Variants in DPYD observed in about 807,000 individuals in gnomAD.
The protein encoded by DPYD is dihydropyrimidine dehydrogenase, also known as dihydropyrimidine dehydrogenase [NADP(+)].
A neutral mutation model predicts 116.2 loss-of-function variants in DPYD; 109 were observed. That is an observed-to-expected ratio of 0.94 (90% CI 0.80 to 1.10). The LOEUF (loss-of-function observed/expected upper bound fraction) is 1.10, where lower values mean the gene tolerates loss of function less well. Among genes scored for constraint, DPYD ranks in the 50% least tolerant of loss-of-function variants. DPYD has a pLI of 0.00. For missense variants in DPYD, 1,302 were observed against 1,254.5 expected, an observed-to-expected ratio of 1.04 and a Z score of -0.57; for synonymous variants, 440 against 432.0, an observed-to-expected ratio of 1.02 and a Z score of -0.23.
chr1:97,551,432 T>C lies in DPYD; in HGVS notation c.1340-1688A>G, dbSNP rs192245648. Among the ~76,000 whole-genome samples the C allele has an allele frequency of 4.3e-4, 65 of 152,220 alleles. 2 individuals are homozygous for C. In the East Asian group the frequency reaches 0.012, roughly 29 times the overall value. ...TAATGGCAACTGTAACACATCATCA[T>C]TGAATGATATATGTAATGAGCTTTA... On this transcript the variant is annotated intron_variant, in intron 11 of 22. Coordinates refer to ENST00000370192, the MANE Select transcript of DPYD (RefSeq NM_000110.4).
At chr1:97,313,227 C>G (rs1570490123) in intron 16 of DPYD, among the ~76,000 whole-genome samples, 2 of 151,848 alleles carry the variant, frequency 1.3e-5, no homozygotes, top group African/African-American at 4.8e-5. Context: ...GAGCCTACAC[C>G]ACACAAATTG....
chr1:97,339,929 T>C (rs1329617132), intron 16 of DPYD, among the ~76,000 whole-genome samples: 1 of 152,134 alleles, frequency 6.6e-6, no homozygotes, highest in Non-Finnish European at 1.5e-5. Context: ...TAAAAGTCTC[T>C]AAAAAGGTAC....
At chr1:97,382,278 C>T (rs564381847) in intron 15 of DPYD, 115 bp downstream of exon 15, 3 of 533,526 alleles carry the variant, frequency 5.6e-6, no homozygotes, top group South Asian at 7.8e-5. Context: ...TTTTAAGTTA[C>T]ATTTTCAATT....
At chr1:97,364,700 T>C (rs1670932211) in intron 16 of DPYD, among the ~76,000 whole-genome samples, 1 of 152,202 alleles carries the variant, frequency 6.6e-6, no homozygotes, top group African/African-American at 2.4e-5. Flanking sequence ...TCTGTGATTA[T>C]CAATAAGCAC....
chr1:97,844,307 G>A (rs889212199), intron 2 of DPYD, among the ~76,000 whole-genome samples: 1 of 152,130 alleles, frequency 6.6e-6, no homozygotes. Flanking sequence ...GTGTCTTTTT[G>A]TATGCTGATG....
At chr1:97,654,497 A>T (rs1000914458) in intron 8 of DPYD, among the ~76,000 whole-genome samples, 1 of 152,152 alleles carries the variant, frequency 6.6e-6, no homozygotes, top group African/African-American at 2.4e-5. Context: ...TCAGGGAGTT[A>T]TAATAAAGTA....
chr1:97,792,278 TA>T (rs1374712778), intron 3 of DPYD, among the ~76,000 whole-genome samples: 2 of 151,588 alleles, frequency 1.3e-5, no homozygotes, highest in South Asian at 2.1e-4. Context: ...TTTTTTATTT[TA>T]TTTTTTTTTT....
At chr1:97,534,808 A>G (rs1403760810) in intron 12 of DPYD, among the ~76,000 whole-genome samples, 1 of 152,062 alleles carries the variant, frequency 6.6e-6, no homozygotes, top group African/African-American at 2.4e-5. Flanking sequence ...GTAATTTTGC[A>G]CACAATGTGA....
intron 3 of DPYD, among the ~76,000 whole-genome samples, chr1:97,824,550 T>C (rs1019185767): frequency 6.6e-6 from 1 of 152,186 alleles, no homozygotes; most frequent in African/African-American, 2.4e-5. Context: ...AGTGGCCATA[T>C]GTGGCTGAGG....
chr1:97,633,887 C>T (rs1022923351), intron 8 of DPYD, among the ~76,000 whole-genome samples: 35 of 152,140 alleles, frequency 2.3e-4, no homozygotes, highest in East Asian at 1.4e-3. Context: ...CTCGTTTCAG[C>T]GTTGACTCCC....
chr1:97,572,099 A>T (rs1286744166), intron 11 of DPYD, among the ~76,000 whole-genome samples: 2 of 152,032 alleles, frequency 1.3e-5, no homozygotes, highest in Non-Finnish European at 2.9e-5. Flanking sequence ...GGAAAAAAAA[A>T]TAGCGAAGAA....
intron 13 of DPYD, among the ~76,000 whole-genome samples, chr1:97,493,332 C>T (rs988691897): frequency 6.6e-6 from 1 of 152,136 alleles, no homozygotes; most frequent in African/African-American, 2.4e-5. Context: ...TACCACTGTA[C>T]TAAAACACAA....
intron 18 of DPYD, among the ~76,000 whole-genome samples, chr1:97,242,126 A>G (rs1305491431): frequency 6.1e-3 from 113 of 18,374 alleles, no homozygotes; most frequent in Non-Finnish European, 7.5e-3. Context: ...GTGCGTGTGT[A>G]TATATATATA....
At chr1:97,557,064 G>C (rs1041643866) in intron 11 of DPYD, among the ~76,000 whole-genome samples, 17 of 151,754 alleles carry the variant, frequency 1.1e-4, no homozygotes, top group African/African-American at 3.6e-4. Flanking sequence ...GGTGTGAGGT[G>C]GTATCTCATT....
At chr1:97,225,798 G>A (rs1434265952) in intron 19 of DPYD, among the ~76,000 whole-genome samples, 1 of 151,978 alleles carries the variant, frequency 6.6e-6, no homozygotes, top group Admixed American at 6.6e-5. Context: ...CAAGGCCAAT[G>A]TCTAGGAGCT....
intron 21 of DPYD, among the ~76,000 whole-genome samples, chr1:97,089,329 T>C (rs960451296): frequency 1.3e-5 from 2 of 152,340 alleles, no homozygotes; most frequent in Middle Eastern, 3.4e-3. Context: ...GTCTCTGTTA[T>C]ATGCTGCCTG....
intron 18 of DPYD, among the ~76,000 whole-genome samples, chr1:97,301,560 A>G (rs907119483): frequency 6.6e-6 from 1 of 152,040 alleles, no homozygotes; most frequent in Non-Finnish European, 1.5e-5. Context: ...CAAAATATAT[A>G]CAGGACAATG....
chr1:97,198,979 C>T (rs150733504), intron 19 of DPYD, among the ~76,000 whole-genome samples: 35 of 152,210 alleles, frequency 2.3e-4, no homozygotes, highest in Admixed American at 7.2e-4. Context: ...TGACACAGTG[C>T]CCTGAATTTT....
intron 7 of DPYD, among the ~76,000 whole-genome samples, chr1:97,686,653 A>AAAAAAAAC (rs1660750953): frequency 6.7e-6 from 1 of 148,706 alleles, no homozygotes; most frequent in African/African-American, 2.5e-5. Flanking sequence ...AAAAAAAAAA[A>AAAAAAAAC]AAAAAAAAAA....
Sources: gnomAD v4.1 joint callset for allele counts (sites outside exome capture counted in the v4.1 genomes callset) on GRCh38, gnomAD v4.1.1 for gene constraint, MANE v1.5 for transcripts, NCBI Gene and HGNC (gene_info 2026-07-23, HGNC 2026-07-21) for gene names.